Variants in DDHD1 observed in about 807,000 individuals in gnomAD.
DDHD1 encodes phospholipase DDHD1.
DDHD1 carries 49 observed loss-of-function variants against 96.4 expected under a neutral mutation model. That is an observed-to-expected ratio of 0.51 (90% CI 0.40 to 0.64). DDHD1 has a LOEUF of 0.64. DDHD1 is among the 30% of genes least tolerant of loss of function. The pLI is 0.00. For missense variants in DDHD1, 1,106 were observed against 1,161.2 expected, an observed-to-expected ratio of 0.95 and a Z score of 0.69; for synonymous variants, 442 against 446.5, an observed-to-expected ratio of 0.99 and a Z score of 0.13.
chr14:53,100,283 C>T (rs1887200229), intron 2 of DDHD1, among the ~76,000 whole-genome samples: 1 of 151,876 alleles, frequency 6.6e-6, no homozygotes. Context: ...CAAGACCAGC[C>T]TGGGCAACAT....
At chr14:53,127,539 T>A (rs9323236) in intron 1 of DDHD1, among the ~76,000 whole-genome samples, 131,711 of 152,278 alleles carry the variant, frequency 0.86, 57,047 homozygotes, top group East Asian at 0.98. Flanking sequence ...AGTTTCTAAA[T>A]CCACATGCAG....
At chr14:53,122,457 G>C (rs1426744906) in intron 1 of DDHD1, among the ~76,000 whole-genome samples, 1 of 152,206 alleles carries the variant, frequency 6.6e-6, no homozygotes, top group Non-Finnish European at 1.5e-5. Context: ...TCAACCTTGA[G>C]AGGGAATGTC....
At chr14:53,121,556 A>G (rs1323738282) in intron 1 of DDHD1, among the ~76,000 whole-genome samples, 1 of 152,242 alleles carries the variant, frequency 6.6e-6, no homozygotes, top group Non-Finnish European at 1.5e-5. Context: ...GATAGACTGG[A>G]TAAAGAAAAT....
intron 1 of DDHD1, among the ~76,000 whole-genome samples, chr14:53,144,934 G>A (rs544407727): frequency 1.3e-5 from 2 of 152,202 alleles, no homozygotes; most frequent in South Asian, 2.1e-4. Flanking sequence ...TAAATCACCC[G>A]AGGTCAGGAG....
chr14:53,149,146 T>C (rs1291533218), intron 1 of DDHD1, among the ~76,000 whole-genome samples: 3 of 152,258 alleles, frequency 2.0e-5, no homozygotes, highest in Non-Finnish European at 2.9e-5. Flanking sequence ...TTCTGATTCA[T>C]GTACCCCAAA....
intron 4 of DDHD1, among the ~76,000 whole-genome samples, chr14:53,082,442 C>A (rs949808127): frequency 7.4e-5 from 9 of 121,920 alleles, no homozygotes; most frequent in Non-Finnish European, 1.5e-4. Flanking sequence ...TCCAAGATAC[C>A]TTTTTTTTTT....
chr14:53,132,594 G>A lies in DDHD1; in HGVS notation c.838+19667C>T, dbSNP rs560110445. Among the ~76,000 whole-genome samples, 17 of 152,234 alleles carry A rather than the reference G, an allele frequency of 1.1e-4. No homozygotes were observed. The East Asian group carries it at 1.7e-3, about 16-fold the overall frequency. Reference sequence around the variant, plus strand: ...CCTCACTCTTGCAAAAGAACTGTGCGTCAATATTTATGTTGACTCTAAATA... The same window carrying A: ...CCTCACTCTTGCAAAAGAACTGTGCATCAATATTTATGTTGACTCTAAATA... On this transcript the variant is annotated intron_variant, in intron 1 of 12. Transcript: ENST00000673822.
intron 1 of DDHD1, among the ~76,000 whole-genome samples, chr14:53,148,198 G>T (rs1429193323): frequency 6.6e-6 from 1 of 152,140 alleles, no homozygotes; most frequent in African/African-American, 2.4e-5. Flanking sequence ...AAGACTCCTG[G>T]AAACTACATA....
At chr14:53,129,986 C>T (rs1471583280) in intron 1 of DDHD1, among the ~76,000 whole-genome samples, 3 of 152,182 alleles carry the variant, frequency 2.0e-5, no homozygotes, top group Non-Finnish European at 4.4e-5. Context: ...TGCGACTCGT[C>T]GCAAATCTTT....
At chr14:53,105,189 A>G (rs1159694610) in intron 1 of DDHD1, among the ~76,000 whole-genome samples, 1 of 152,138 alleles carries the variant, frequency 6.6e-6, no homozygotes, top group South Asian at 2.1e-4. Flanking sequence ...AAAATGTCCT[A>G]GTAAAGGCCT....
chr14:53,153,292 G>A lies in DDHD1; in HGVS notation c.-194C>T, dbSNP rs1336616557. ...CCGCCGCAGCTGCGTTCTGCCGCCG[G>A]CCCCATTGTCACGCAGCCCGACGTA... On this transcript the variant is annotated 5_prime_UTR_variant, in exon 1 of 13. Transcript: ENST00000673822. 6.9e-6 allele frequency: 3 copies of A among 432,108 alleles called. No individual in the cohort carries two copies. The highest frequency in any genetic ancestry group is 1.2e-5 in the Non-Finnish European group (3 of 257,786). The allele number at this position is 432,108 out of a possible 1,614,324, so 26.8% of individuals were successfully genotyped here.
At chr14:53,093,542 T>C (rs1490796955) in intron 2 of DDHD1, 98 bp from the exon 3 acceptor site, 2 of 1,476,590 alleles carry the variant, frequency 1.4e-6, no homozygotes, top group Non-Finnish European at 1.8e-6. Context: ...ATATGTTATC[T>C]AAAAAACTCA....
chr14:53,108,317 T>C (rs1294599485), intron 1 of DDHD1, among the ~76,000 whole-genome samples: 1 of 152,228 alleles, frequency 6.6e-6, no homozygotes, highest in African/African-American at 2.4e-5. Context: ...CACTAGTCAC[T>C]GGGTTCCAAG....
At chr14:53,053,864 A>G (rs1251419302) in intron 11 of DDHD1, 1 of 152,320 alleles carries the variant, frequency 6.6e-6, no homozygotes, top group East Asian at 1.9e-4. Flanking sequence ...TTCTAAGTCC[A>G]CCGGAGAAAG....
intron 12 of DDHD1, 36 bp downstream of exon 12, chr14:53,051,808 T>C (rs760809954): frequency 5.3e-6 from 8 of 1,497,908 alleles, no homozygotes; most frequent in South Asian, 2.4e-5. Context: ...ATCATTTTTA[T>C]AGTATTCTGA....
chr14:53,116,228 A>C (rs1046071109), intron 1 of DDHD1, among the ~76,000 whole-genome samples: 2 of 152,208 alleles, frequency 1.3e-5, no homozygotes, highest in East Asian at 3.8e-4. Context: ...CATAAAACAA[A>C]TTCTTAGAGA....
chr14:53,092,523 T>C (rs1191482038), intron 3 of DDHD1: 1 of 152,252 alleles, frequency 6.6e-6, no homozygotes, highest in East Asian at 1.9e-4. Flanking sequence ...CATTCTCTCT[T>C]TTCTTTCATT....
chr14:53,055,827 A>G lies in DDHD1; in HGVS notation c.2078T>C (p.Leu693Ser), dbSNP rs200637587. The G allele has an allele frequency of 1.9e-6, 3 of 1,614,008 alleles. No homozygotes were observed. The East Asian group carries it at 6.7e-5, about 36-fold the overall frequency. Residue 693 changes from leucine (L) to serine (S), a missense_variant, in exon 10 of 13, where the codon TTA becomes TCA. Coordinates refer to ENST00000673822, the MANE Select transcript of DDHD1 (RefSeq NM_001160148.2). ...GCTTGGCTTCATATGTTCATAAGGT[A>G]AAGGATTTGAAGTATTGTACCAGTG... ...QIHWYNTSNP[L>S]PYEHMKPSFL...
chr14:53,066,276 T>C (rs953664448), intron 6 of DDHD1, among the ~76,000 whole-genome samples: 3 of 152,056 alleles, frequency 2.0e-5, no homozygotes, highest in African/African-American at 7.2e-5. Context: ...CTCAGCCTCC[T>C]GAGTAGCTGG....
Sources: gnomAD v4.1 joint callset for allele counts (sites outside exome capture counted in the v4.1 genomes callset) on GRCh38, gnomAD v4.1.1 for gene constraint, MANE v1.5 for transcripts, NCBI Gene and HGNC (gene_info 2026-07-23, HGNC 2026-07-21) for gene names.